The following PGGT1B variants were observed in gnomAD, a reference collection of about 807,000 sequenced individuals.
PGGT1B encodes the protein geranylgeranyl transferase type-1 subunit beta.
A neutral mutation model predicts 46.1 loss-of-function variants in PGGT1B; 30 were observed. The observed-to-expected ratio is 0.65, with a 90% CI of 0.49 to 0.88. PGGT1B has a LOEUF of 0.88. PGGT1B is among the 40% of genes least tolerant of loss of function. PGGT1B has a pLI of 0.00. For synonymous variants in PGGT1B, 170 were observed against 160.0 expected (o/e 1.06, Z -0.47); for missense variants, 376 against 455.9 (o/e 0.82, Z 1.60).
chr5:115,242,880 T>C (rs1040315549), intron 2 of PGGT1B, among the ~76,000 whole-genome samples: 1 of 152,126 alleles, frequency 6.6e-6, no homozygotes, highest in African/African-American at 2.4e-5. Context: ...GGCAAGAGAA[T>C]TGCTTGAACC....
chr5:115,245,368 T>C (rs895159614), intron 2 of PGGT1B, among the ~76,000 whole-genome samples: 5 of 152,224 alleles, frequency 3.3e-5, no homozygotes, highest in Non-Finnish European at 7.3e-5. Context: ...GCAGCAGAAA[T>C]ATCAATACTT....
intron 8 of PGGT1B, among the ~76,000 whole-genome samples, chr5:115,214,686 C>A (rs1756356056): frequency 6.6e-6 from 1 of 152,162 alleles, no homozygotes; most frequent in Non-Finnish European, 1.5e-5. Flanking sequence ...AAGTTAGCAA[C>A]TGAACTCTCC....
chr5:115,231,727 T>C (rs1256217763), intron 5 of PGGT1B: 1 of 151,956 alleles, frequency 6.6e-6, no homozygotes, highest in Non-Finnish European at 1.5e-5. Context: ...TAAGAGAAAG[T>C]CCACCCTAAA....
chr5:115,220,196 G>A (rs866957855), intron 7 of PGGT1B, among the ~76,000 whole-genome samples: 6 of 151,712 alleles, frequency 4.0e-5, no homozygotes, highest in East Asian at 1.9e-4. Flanking sequence ...TGAAAACAAC[G>A]CAAGTGACTA....
At chr5:115,242,040 T>C (rs1325366912) in intron 2 of PGGT1B, among the ~76,000 whole-genome samples, 3 of 152,236 alleles carry the variant, frequency 2.0e-5, no homozygotes, top group Non-Finnish European at 2.9e-5. Flanking sequence ...GTGTTTTTAC[T>C]TTAACTCATT....
In PGGT1B at chr5:115,208,174, G is replaced by A. The variant is rs1323423060; in HGVS notation, c.*4228C>T. 3 of 151,460 alleles carry A rather than the reference G, an allele frequency of 2.0e-5. No individual in the cohort carries two copies. Among genetic ancestry groups the A allele is most frequent in the African/African-American group, 7.3e-5 (3 of 41,256 alleles). 9.4% of individuals were successfully genotyped at this position (151,460 alleles called of 1,614,324 possible). The stretch of plus-strand genomic sequence containing the variant: ...TGAGATTGCTCTATATTTTCTTTTT[G>A]GTACCATCTTTGTCAGGTTTTTGAA... On this transcript the variant is annotated 3_prime_UTR_variant, in exon 9 of 9. Coordinates refer to ENST00000419445, the MANE Select transcript of PGGT1B (RefSeq NM_005023.4).
In PGGT1B at chr5:115,206,238, G is replaced by C. The variant is rs915619484; in HGVS notation, c.*6164C>G. The C allele has an allele frequency of 5.9e-5, 9 of 151,810 alleles. No individual in the cohort carries two copies. The highest frequency in any genetic ancestry group is 1.9e-4 in the African/African-American group (8 of 41,382). 9.4% of individuals were successfully genotyped at this position (151,810 alleles called of 1,614,324 possible). On this transcript the variant is annotated 3_prime_UTR_variant, in exon 9 of 9. Coordinates refer to ENST00000419445, the MANE Select transcript of PGGT1B (RefSeq NM_005023.4). ...ATATCTCTATATACAGAGATTAAAG[G>C]TCTGAAAGATGTATGCAACAGTGGT...
At chr5:115,234,292 A>G (rs1295638548) in intron 5 of PGGT1B, among the ~76,000 whole-genome samples, 1 of 151,950 alleles carries the variant, frequency 6.6e-6, no homozygotes, top group African/African-American at 2.4e-5. Flanking sequence ...TCTCATCAAT[A>G]AGAAATGTAA....
In PGGT1B at chr5:115,206,251, AT is replaced by A. The variant is rs1393928938; in HGVS notation, c.*6150del. On this transcript the variant is annotated 3_prime_UTR_variant, in exon 9 of 9. Transcript: ENST00000419445. ...CAGAGATTAAAGGTCTGAAAGATGT[AT>A]GCAACAGTGGTGTTTACCTCCAGGA... 1 of 152,000 alleles carries A rather than the reference AT, an allele frequency of 6.6e-6. No individual in the cohort carries two copies. The highest frequency in any genetic ancestry group is 1.9e-4 in the East Asian group (1 of 5,198). The allele number at this position is 152,000 out of a possible 1,614,324, so 9.4% of individuals were successfully genotyped here.
intron 6 of PGGT1B, among the ~76,000 whole-genome samples, chr5:115,230,242 G>A (rs1336300048): frequency 1.3e-5 from 2 of 151,952 alleles, no homozygotes; most frequent in Non-Finnish European, 2.9e-5. Context: ...TGTTCTTTCT[G>A]CTACATTATG....
chr5:115,206,224 TAC>T lies in PGGT1B; in HGVS notation c.*6176_*6177del, dbSNP rs1561464486. ...TATTCTCTATTTCTATATCTCTATA[TAC>T]AGAGATTAAAGGTCTGAAAGATGTA... On this transcript the variant is annotated 3_prime_UTR_variant, in exon 9 of 9. Transcript: ENST00000419445. 6.6e-6 allele frequency: 1 copy of T among 151,960 alleles called. No homozygotes were observed. The highest frequency in any genetic ancestry group is 1.5e-5 in the Non-Finnish European group (1 of 67,882). 9.4% of individuals were successfully genotyped at this position (151,960 alleles called of 1,614,324 possible).
chr5:115,216,100 G>A (rs1756408313), intron 8 of PGGT1B, among the ~76,000 whole-genome samples: 1 of 152,042 alleles, frequency 6.6e-6, no homozygotes, highest in Non-Finnish European at 1.5e-5. Context: ...AGTATGGGAA[G>A]TGAGAAACAC....
intron 8 of PGGT1B, among the ~76,000 whole-genome samples, chr5:115,214,243 G>C (rs948568277): frequency 6.6e-6 from 1 of 152,056 alleles, no homozygotes; most frequent in African/African-American, 2.4e-5. Flanking sequence ...TTCTCAAAAA[G>C]ATTTTTGTAA....
intron 6 of PGGT1B, among the ~76,000 whole-genome samples, chr5:115,223,747 T>TCC (rs1334706190): frequency 6.6e-6 from 1 of 152,198 alleles, no homozygotes; most frequent in Non-Finnish European, 1.5e-5. Context: ...AAAGGTACTT[T>TCC]CCTCAGGAAA....
chr5:115,218,588 T>A (rs984678560), intron 7 of PGGT1B, among the ~76,000 whole-genome samples: 4 of 150,654 alleles, frequency 2.7e-5, no homozygotes, highest in Non-Finnish European at 5.9e-5. Context: ...TGAACACTAT[T>A]AAGGGAAAGA....
chr5:115,227,586 G>A (rs549697609), intron 6 of PGGT1B, among the ~76,000 whole-genome samples: 1 of 152,196 alleles, frequency 6.6e-6, no homozygotes, highest in African/African-American at 2.4e-5. Flanking sequence ...ACTGTGTCTG[G>A]CTTTCTAGAT....
At chr5:115,243,585 T>C (rs557466035) in intron 2 of PGGT1B, among the ~76,000 whole-genome samples, 1 of 152,350 alleles carries the variant, frequency 6.6e-6, no homozygotes, top group African/African-American at 2.4e-5. Flanking sequence ...TTAGTCACTG[T>C]TGCCATAACA....
At chr5:115,213,819 T>C (rs530781665) in intron 8 of PGGT1B, among the ~76,000 whole-genome samples, 1 of 152,266 alleles carries the variant, frequency 6.6e-6, no homozygotes, top group South Asian at 2.1e-4. Context: ...CATCAAACTT[T>C]GTCAAAAGAG....
chr5:115,222,353 A>T lies in PGGT1B; in HGVS notation c.659-345T>A, dbSNP rs191299690. Among the ~76,000 whole-genome samples, 5 of 152,314 alleles carry T rather than the reference A, an allele frequency of 3.3e-5. No individual in the cohort carries two copies. In the East Asian group the frequency reaches 9.7e-4, roughly 29 times the overall value. ...ACCCAATCACCTGAGACTGATTTTTAACTCTCTTAAAGACAGTATATTGCT... is the reference window on the plus strand; with the variant it reads ...ACCCAATCACCTGAGACTGATTTTTTACTCTCTTAAAGACAGTATATTGCT... On this transcript the variant is annotated intron_variant, in intron 6 of 8. Transcript: ENST00000419445.
Sources: gnomAD v4.1 joint callset for allele counts (sites outside exome capture counted in the v4.1 genomes callset) on GRCh38, gnomAD v4.1.1 for gene constraint, MANE v1.5 for transcripts, NCBI Gene and HGNC (gene_info 2026-07-23, HGNC 2026-07-21) for gene names.